The following RAP1GAP2 variants were observed in gnomAD, a reference collection of about 807,000 sequenced individuals.
The protein encoded by RAP1GAP2 is rap1 GTPase-activating protein 2.
Under a neutral mutation model 95.0 loss-of-function variants are expected in RAP1GAP2, and 27 were observed. The observed-to-expected ratio is 0.28, with a 90% CI of 0.21 to 0.39. The LOEUF (loss-of-function observed/expected upper bound fraction) is 0.39, where lower values mean the gene tolerates loss of function less well. Ranked by LOEUF, RAP1GAP2 falls within the 10% of genes least tolerant of loss-of-function variation. The pLI is 1.00. For synonymous variants in RAP1GAP2, 373 were observed against 380.9 expected (o/e 0.98, Z 0.24); for missense variants, 771 against 970.0 (o/e 0.79, Z 2.72).
Position 2,991,193 on chromosome 17 carries a change from G to A in RAP1GAP2, c.814-104G>A, listed in dbSNP as rs544234571. Reference sequence around the variant, plus strand: ...CTATGGTGGATGTGCTGGGAGACAGGGAGAAAGGAAGAAAGGGACCAGGTA... The same window carrying A: ...CTATGGTGGATGTGCTGGGAGACAGAGAGAAAGGAAGAAAGGGACCAGGTA... On this transcript the variant is annotated intron_variant, in intron 11 of 24. Coordinates refer to ENST00000254695, the MANE Select transcript of RAP1GAP2 (RefSeq NM_015085.5). The A allele has an allele frequency of 5.8e-4, 533 of 912,490 alleles. 7 individuals carry two copies. The South Asian group carries it at 6.7e-3, about 12-fold the overall frequency. The allele number at this position is 912,490 out of a possible 1,614,324, so 56.5% of individuals were successfully genotyped here. A position where few individuals can be genotyped will look rare whatever the true frequency, so the allele number is the denominator to read the frequency against.
chr17:2,849,457 G>A (rs541985217), intron 2 of RAP1GAP2, among the ~76,000 whole-genome samples: 3 of 152,296 alleles, frequency 2.0e-5, no homozygotes, highest in African/African-American at 7.2e-5. Flanking sequence ...TCCTGGAGCC[G>A]GTTCCCAGGC....
chr17:2,987,740 A>C (rs2045605229), intron 11 of RAP1GAP2, among the ~76,000 whole-genome samples: 1 of 151,088 alleles, frequency 6.6e-6, no homozygotes, highest in South Asian at 2.1e-4. Context: ...GGTAATTCTA[A>C]AAAAAAAATA....
intron 8 of RAP1GAP2, among the ~76,000 whole-genome samples, chr17:2,976,455 T>G (rs991345145): frequency 2.0e-5 from 3 of 152,106 alleles, no homozygotes; most frequent in South Asian, 4.1e-4. Context: ...AAAAAATGAC[T>G]AATGGACTAA....
upstream of RAP1GAP2, among the ~76,000 whole-genome samples, chr17:2,794,565 C>T (rs757871197): frequency 3.9e-5 from 6 of 152,192 alleles, no homozygotes; most frequent in African/African-American, 9.7e-5. Context: ...GGGAAGCCTC[C>T]GGGCTCCTGC....
rs1164964754 is a variant in RAP1GAP2 at position 3,026,431 on chromosome 17, G to A, written c.1947G>A (p.Gly649=). The A allele has an allele frequency of 6.4e-7, 1 of 1,552,424 alleles. No individual in the cohort carries two copies. The highest frequency in any genetic ancestry group is 8.7e-7 in the Non-Finnish European group (1 of 1,147,610). ...CCAGCAGCGTCAGCAGCACTGCAGGGGAGGGCGAGGCCATGGAGGAGGGCG... is the reference window on the plus strand; with the variant it reads ...CCAGCAGCGTCAGCAGCACTGCAGGAGAGGGCGAGGCCATGGAGGAGGGCG... ...SSTSSVSSTA[G]EGEAMEEGDS... is the part of the protein sequence containing the mutation. Residue 649 remains glycine, a synonymous_variant, in exon 21 of 25, where the codon GGG becomes GGA. Coordinates refer to ENST00000254695, the MANE Select transcript of RAP1GAP2 (RefSeq NM_015085.5).
Position 2,958,930 on chromosome 17 carries a change from G to A in RAP1GAP2, c.201+1136G>A, listed in dbSNP as rs1228965754. On this transcript the variant is annotated intron_variant, in intron 4 of 24. Coordinates refer to ENST00000254695, the MANE Select transcript of RAP1GAP2 (RefSeq NM_015085.5). Reference sequence around the variant, plus strand: ...GCCAGTTATTAAAATTGTCCTCTGCGCCCAGCAGCGTGTAGATGACAGACT... The same window carrying A: ...GCCAGTTATTAAAATTGTCCTCTGCACCCAGCAGCGTGTAGATGACAGACT... Among the ~76,000 whole-genome samples, 39 of 151,998 alleles carry A rather than the reference G, an allele frequency of 2.6e-4. 1 individual carries two copies. The highest frequency in any genetic ancestry group is 2.6e-3 in the Admixed American group (39 of 15,250).
intron 1 of RAP1GAP2, among the ~76,000 whole-genome samples, chr17:2,790,434 A>G (rs2068896428): frequency 6.6e-6 from 1 of 152,110 alleles, no homozygotes; most frequent in East Asian, 1.9e-4. Flanking sequence ...ATCACCCTTT[A>G]TCTTCATATG....
chr17:2,933,959 T>C (rs2043230469), intron 3 of RAP1GAP2, among the ~76,000 whole-genome samples: 1 of 152,250 alleles, frequency 6.6e-6, no homozygotes, highest in Non-Finnish European at 1.5e-5. Flanking sequence ...GAGCCCCAGT[T>C]GTTTCTTGGA....
chr17:2,945,036 G>T (rs4790392), intron 3 of RAP1GAP2, among the ~76,000 whole-genome samples: 1 of 151,950 alleles, frequency 6.6e-6, no homozygotes, highest in Non-Finnish European at 1.5e-5. Context: ...ACCACGCCCG[G>T]CTGATTTTTT....
At chr17:2,767,737 C>CTT (rs35038540) in intron 1 of RAP1GAP2, among the ~76,000 whole-genome samples, 128 of 142,270 alleles carry the variant, frequency 9.0e-4, no homozygotes, top group African/African-American at 3.0e-3. Context: ...TTTATTATAG[C>CTT]TTTTTTTTTT....
At chr17:2,884,760 C>T (rs567879621) in intron 2 of RAP1GAP2, among the ~76,000 whole-genome samples, 20 of 152,268 alleles carry the variant, frequency 1.3e-4, no homozygotes, top group Admixed American at 5.2e-4. Context: ...AAGCCTCAGC[C>T]GACTCATCTA....
chr17:2,959,311 T>C (rs1032657663), intron 4 of RAP1GAP2, among the ~76,000 whole-genome samples: 3 of 152,152 alleles, frequency 2.0e-5, no homozygotes, highest in East Asian at 1.9e-4. Context: ...TGTCTGTTCA[T>C]GTAGATCGGG....
At chr17:2,953,812 A>C (rs777312235) in intron 3 of RAP1GAP2, among the ~76,000 whole-genome samples, 37 of 152,292 alleles carry the variant, frequency 2.4e-4, no homozygotes, top group Non-Finnish European at 4.6e-4. Flanking sequence ...GCGCCATTGC[A>C]CTCCAGCCTG....
chr17:2,833,000 C>G (rs1034796790), intron 2 of RAP1GAP2, among the ~76,000 whole-genome samples: 1 of 151,850 alleles, frequency 6.6e-6, no homozygotes, highest in African/African-American at 2.4e-5. Flanking sequence ...AAAAACAAAC[C>G]AGTATTTTTA....
rs1597733602 is a variant in RAP1GAP2, at chr17:2,963,118, C to T, written c.247-312C>T. 1 of 548,854 alleles carries T rather than the reference C, an allele frequency of 1.8e-6. No homozygotes were observed. The highest frequency in any genetic ancestry group is 3.2e-5 in the East Asian group (1 of 31,474). The allele number at this position is 548,854 out of a possible 1,614,324, so 34.0% of individuals were successfully genotyped here. A position where few individuals can be genotyped will look rare whatever the true frequency, so the allele number is the denominator to read the frequency against. Reference sequence around the variant, plus strand: ...CAGTCCGCCTGCCTGGAAAGGGGTGCTGGGGGAGACTAGGGGTCATTTTCC... The same window carrying T: ...CAGTCCGCCTGCCTGGAAAGGGGTGTTGGGGGAGACTAGGGGTCATTTTCC... On this transcript the variant is annotated intron_variant, in intron 5 of 24. Coordinates refer to ENST00000254695, the MANE Select transcript of RAP1GAP2 (RefSeq NM_015085.5). This position sits in a 1 kb window ranked among gnomAD's most constrained non-coding sequence, Gnocchi z 4.8.
intron 19 of RAP1GAP2, 113 bp downstream of exon 19, chr17:3,020,708 G>C: frequency 1.1e-6 from 1 of 927,460 alleles, no homozygotes. Context: ...CTCAGCTTTA[G>C]GAGATGGCTC....
At chr17:3,030,194 ACACT>A (rs1567918496) in intron 22 of RAP1GAP2, among the ~76,000 whole-genome samples, 1 of 150,232 alleles carries the variant, frequency 6.7e-6, no homozygotes, top group Non-Finnish European at 1.5e-5. Flanking sequence ...ACACACACAC[ACACT>A]CACTCTCATG....
At chr17:2,978,862 G>C (rs1734060340) in intron 8 of RAP1GAP2, among the ~76,000 whole-genome samples, 2 of 152,132 alleles carry the variant, frequency 1.3e-5, no homozygotes, top group African/African-American at 4.8e-5. Flanking sequence ...TTGAAACCGG[G>C]AGGCGGAGGT....
intron 11 of RAP1GAP2, 57 bp from the exon 12 acceptor site, chr17:2,991,240 C>A: frequency 1.4e-6 from 2 of 1,384,598 alleles, no homozygotes; most frequent in East Asian, 2.5e-5. Context: ...ATATTCCTTC[C>A]TTTAGCATCA....
Sources: allele counts gnomAD v4.1 joint callset (sites outside exome capture counted in the v4.1 genomes callset), GRCh38; gene constraint gnomAD v4.1.1; non-coding constraint Gnocchi (gnomAD v3.1); transcripts MANE v1.5; gene names NCBI Gene and HGNC (gene_info 2026-07-23, HGNC 2026-07-21).